Variants in ATG2B observed in about 807,000 individuals in gnomAD.
The protein encoded by ATG2B is autophagy related 2B, also known as autophagy-related protein 2 homolog B.
ATG2B carries 121 observed loss-of-function variants against 241.3 expected under a neutral mutation model. The ratio of observed to expected loss-of-function variants is 0.50; its 90% confidence interval spans 0.43 to 0.58. The LOEUF is 0.58. ATG2B is among the 20% of genes least tolerant of loss of function. The pLI is 0.00. For synonymous variants in ATG2B, 858 were observed against 876.6 expected (o/e 0.98, Z 0.37); for missense variants, 2,306 against 2,491.6 (o/e 0.93, Z 1.59).
chr14:96,290,783 T>C lies in ATG2B; in HGVS notation c.5701+31A>G. On this transcript the variant is annotated intron_variant, in intron 39 of 41. Transcript: ENST00000359933. This position sits in a 1 kb window ranked among gnomAD's most constrained non-coding sequence, Gnocchi z 4.4. The stretch of plus-strand genomic sequence containing the variant: ...GAATTACTCATCTGAAAAAATAACT[T>C]ATCTTTTGATTAAAAAAGAAGAAAA... 1 of 1,590,982 alleles carries C rather than the reference T, an allele frequency of 6.3e-7. No homozygotes were observed. The highest frequency in any genetic ancestry group is 8.5e-7 in the Non-Finnish European group (1 of 1,172,372).
intron 34 of ATG2B, among the ~76,000 whole-genome samples, chr14:96,296,376 C>G (rs369275531): frequency 6.6e-6 from 1 of 152,218 alleles, no homozygotes; most frequent in South Asian, 2.1e-4. Context: ...TTATAGGCAG[C>G]TTCGTTTTGC....
At chr14:96,342,193 A>T (rs1001765711) in intron 5 of ATG2B, among the ~76,000 whole-genome samples, 1 of 127,334 alleles carries the variant, frequency 7.9e-6, no homozygotes, top group Non-Finnish European at 1.6e-5. Flanking sequence ...TTTTGATTGT[A>T]AAAAAAAAAA....
chr14:96,321,661 A>C (rs1388702951), intron 18 of ATG2B, among the ~76,000 whole-genome samples: 1 of 152,168 alleles, frequency 6.6e-6, no homozygotes, highest in Non-Finnish European at 1.5e-5. Context: ...AAATATAATA[A>C]ATTTAAATTT....
intron 34 of ATG2B, among the ~76,000 whole-genome samples, chr14:96,297,109 A>T (rs1013118448): frequency 2.6e-5 from 4 of 152,052 alleles, no homozygotes; most frequent in African/African-American, 9.7e-5. Flanking sequence ...TTTATGTATT[A>T]TTTCCATCAT....
At chr14:96,322,972 G>C (rs1008214658) in intron 16 of ATG2B, among the ~76,000 whole-genome samples, 2 of 152,170 alleles carry the variant, frequency 1.3e-5, no homozygotes, top group African/African-American at 4.8e-5. Flanking sequence ...TTGGGTAACT[G>C]AAGGGGGCAA....
At chr14:96,336,014 A>C (rs1887860183) in intron 6 of ATG2B, among the ~76,000 whole-genome samples, 1 of 152,212 alleles carries the variant, frequency 6.6e-6, no homozygotes, top group Non-Finnish European at 1.5e-5. Flanking sequence ...GTAACATGGT[A>C]ACTGAAACAA....
chr14:96,348,814 T>TAC, intron 1 of ATG2B, among the ~76,000 whole-genome samples: 1 of 152,314 alleles, frequency 6.6e-6, no homozygotes, highest in African/African-American at 2.4e-5. Flanking sequence ...AGGTGATGCA[T>TAC]ACCCCTTTTA....
Position 96,290,393 on chromosome 14 carries a change from C to T in ATG2B, c.5856+43G>A. 6.3e-7 allele frequency: 1 copy of T among 1,587,770 alleles called. No homozygotes were observed. The highest frequency in any genetic ancestry group is 8.6e-7 in the Non-Finnish European group (1 of 1,164,526). The stretch of plus-strand genomic sequence containing the variant: ...AAAACAAAAGGACCCAACCATTTCA[C>T]AATGGCTCTTTTTGGATAGACTAAG... On this transcript the variant is annotated intron_variant, in intron 40 of 41. Coordinates refer to ENST00000359933, the MANE Select transcript of ATG2B (RefSeq NM_018036.7). The surrounding 1 kb of genome is among the most constrained non-coding windows in gnomAD (Gnocchi z 4.4).
intron 6 of ATG2B, among the ~76,000 whole-genome samples, chr14:96,336,758 A>G (rs1887879118): frequency 6.6e-6 from 1 of 152,232 alleles, no homozygotes; most frequent in Non-Finnish European, 1.5e-5. Flanking sequence ...TTATTAGTAT[A>G]GTTTCCCAAG....
chr14:96,317,638 A>AGTACTTT (rs1341291139), intron 19 of ATG2B, 60 bp downstream of exon 19: 2 of 1,357,932 alleles, frequency 1.5e-6, no homozygotes, highest in African/African-American at 1.5e-5. Flanking sequence ...TTCAAAGGTT[A>AGTACTTT]GTACTTTGTT....
At chr14:96,348,347 G>A (rs1026228207) in intron 1 of ATG2B, among the ~76,000 whole-genome samples, 22 of 152,116 alleles carry the variant, frequency 1.4e-4, no homozygotes, top group Non-Finnish European at 3.2e-4. Context: ...TGGTAGTAGG[G>A]TAGCAGGGAT....
In ATG2B at chr14:96,322,432, T is replaced by G. The variant is rs571470011; in HGVS notation, c.2736+108A>C. 1.2e-5 allele frequency: 16 copies of G among 1,339,124 alleles called. No individual in the cohort carries two copies. The East Asian group carries it at 3.5e-4, about 29-fold the overall frequency. The allele number at this position is 1,339,124 out of a possible 1,614,324, so 83.0% of individuals were successfully genotyped here. ...TTATTCAATTTTGAAGTTTAAGACC[T>G]AGCAAAAACAGTACACAAGGCATTT... On this transcript the variant is annotated intron_variant, in intron 17 of 41. Transcript: ENST00000359933.
chr14:96,295,706 T>C, intron 34 of ATG2B, 146 bp from the exon 35 acceptor site: 1 of 381,858 alleles, frequency 2.6e-6, no homozygotes, highest in Non-Finnish European at 4.7e-6. Flanking sequence ...ATGCTAGTCA[T>C]TATTCCTATT....
At chr14:96,327,383 T>G (rs75015425) in intron 14 of ATG2B, among the ~76,000 whole-genome samples, 5,201 of 152,260 alleles carry the variant, frequency 0.034, 311 homozygotes, top group African/African-American at 0.12. Context: ...CCTGGTCCTC[T>G]GGCCCCAAAA....
intron 10 of ATG2B, 23 bp downstream of exon 10, chr14:96,332,282 A>T: frequency 6.3e-7 from 1 of 1,576,704 alleles, no homozygotes; most frequent in Non-Finnish European, 8.7e-7. Context: ...GAAACTAACA[A>T]CAAATGTCTT....
rs773938122 is a variant in ATG2B at position 96,317,205 on chromosome 14, ACT to A, written c.3148_3149del (p.Ser1050PhefsTer9). 2.5e-6 allele frequency: 4 copies of A among 1,613,618 alleles called. No individual in the cohort carries two copies. The highest frequency in any genetic ancestry group is 3.4e-6 in the Non-Finnish European group (4 of 1,179,616). On this transcript the variant is annotated frameshift_variant, in exon 20 of 42. Coordinates refer to ENST00000359933, the MANE Select transcript of ATG2B (RefSeq NM_018036.7). LOFTEE classifies it high-confidence loss of function. Reference protein sequence around the residue: ...KLDSQNKNSQSFLSVLLNINH... With the variant: ...KLDSQNKNSQXFLSVLLNINH... ...TAATATTCAGAAGAACTGAGAGAAA[ACT>A]CTGAGAGTTCTTGTTCTGAGAGTCT...
At chr14:96,306,077 T>TAA (rs913541785) in intron 30 of ATG2B, among the ~76,000 whole-genome samples, 5 of 152,324 alleles carry the variant, frequency 3.3e-5, no homozygotes, top group Admixed American at 3.3e-4. Flanking sequence ...TGTTTGATAA[T>TAA]AAAAAAGCAC....
chr14:96,330,560 T>G (rs1238625472), intron 11 of ATG2B, among the ~76,000 whole-genome samples: 1 of 152,010 alleles, frequency 6.6e-6, no homozygotes, highest in Admixed American at 6.6e-5. Context: ...GGGCAGGAGT[T>G]CGAGACCAGC....
chr14:96,344,621 G>T (rs1414769161), intron 4 of ATG2B, 33 bp downstream of exon 4: 2 of 1,228,242 alleles, frequency 1.6e-6, no homozygotes, highest in South Asian at 1.3e-5. Flanking sequence ...AGTTACAATA[G>T]GGTCATTTAT....
Sources: gnomAD v4.1 joint callset for allele counts (sites outside exome capture counted in the v4.1 genomes callset) on GRCh38, gnomAD v4.1.1 for gene constraint, Gnocchi (gnomAD v3.1) non-coding constraint, MANE v1.5 for transcripts, NCBI Gene and HGNC (gene_info 2026-07-23, HGNC 2026-07-21) for gene names.